SHC3: variants seen among roughly 807,000 people sequenced by gnomAD.
SHC3 encodes the protein SHC-transforming protein 3.
In SHC3, 15 loss-of-function variants were observed where a neutral mutation model predicts 60.4. The ratio of observed to expected loss-of-function variants is 0.25; its 90% CI spans 0.17 to 0.38. The LOEUF is 0.38. Ranked by LOEUF, SHC3 falls within the 10% of genes least tolerant of loss-of-function variation. SHC3 has a pLI of 1.00. For missense variants in SHC3, 677 were observed against 786.1 expected, an observed-to-expected ratio of 0.86 and a Z score of 1.66; for synonymous variants, 294 against 325.9, an observed-to-expected ratio of 0.90 and a Z score of 1.05.
intron 6 of SHC3, among the ~76,000 whole-genome samples, chr9:89,059,723 G>T (rs1355073926): frequency 7.0e-4 from 18 of 25,724 alleles, no homozygotes; most frequent in South Asian, 2.5e-3. Context: ...GGATGGTGGT[G>T]CAGGACGGTG....
At chr9:89,057,257 C>A (rs144990337) in intron 6 of SHC3, among the ~76,000 whole-genome samples, 67 of 151,808 alleles carry the variant, frequency 4.4e-4, no homozygotes, top group Non-Finnish European at 8.7e-4. Context: ...GGTCAGACAA[C>A]CTTAGTTTGT....
At chr9:89,148,231 C>T (rs142562416) in intron 1 of SHC3, among the ~76,000 whole-genome samples, 56 of 152,204 alleles carry the variant, frequency 3.7e-4, no homozygotes, top group African/African-American at 1.1e-3. Context: ...TTCGATATTT[C>T]GCGATTAAAT....
intron 1 of SHC3, among the ~76,000 whole-genome samples, chr9:89,138,100 A>G (rs77606975): frequency 0.015 from 2,346 of 152,342 alleles, 27 homozygotes; most frequent in Non-Finnish European, 0.026. Flanking sequence ...TGCCAGCTAC[A>G]GAGACTTGGG....
intron 6 of SHC3, among the ~76,000 whole-genome samples, chr9:89,054,148 C>T (rs1824908277): frequency 1.3e-5 from 2 of 152,158 alleles, no homozygotes; most frequent in South Asian, 4.1e-4. Context: ...CTTCTACACA[C>T]CTGAGAGCAT....
chr9:89,057,297 G>T (rs1365245663), intron 6 of SHC3, among the ~76,000 whole-genome samples: 1 of 146,268 alleles, frequency 6.8e-6, no homozygotes, highest in African/African-American at 2.5e-5. Flanking sequence ...ACTCTGAATT[G>T]ATCCAGTTTT....
At chr9:89,045,049 G>A (rs911919799) in intron 9 of SHC3, among the ~76,000 whole-genome samples, 1 of 152,036 alleles carries the variant, frequency 6.6e-6, no homozygotes, top group Non-Finnish European at 1.5e-5. Flanking sequence ...TAGGAGTCAC[G>A]GGGGCTCAAC....
chr9:89,027,484 T>C (rs983232860), intron 11 of SHC3, among the ~76,000 whole-genome samples: 2 of 151,936 alleles, frequency 1.3e-5, no homozygotes, highest in African/African-American at 4.8e-5. Flanking sequence ...ACCCGGCTAA[T>C]TTTTTGTATT....
intron 2 of SHC3, among the ~76,000 whole-genome samples, chr9:89,108,781 G>A (rs117938353): frequency 0.013 from 2,033 of 152,246 alleles, 20 homozygotes; most frequent in South Asian, 0.034. Context: ...CCCAGTGTTT[G>A]CAAAAATGAG....
chr9:89,071,202 G>T lies in SHC3; in HGVS notation c.780C>A (p.Asp260Glu). Residue 260 changes from aspartate to glutamate, a missense_variant, in exon 5 of 12, where the codon GAC becomes GAA. Asp to Glu is a conservative substitution (Grantham distance 45). Coordinates refer to ENST00000375835, the MANE Select transcript of SHC3 (RefSeq NM_016848.6). ...GACCAACCCCAAGGGTACTTACCGG[G>T]TCTCCCCCAGAGGCGAAGGAGATGG... ...MRSISFASGG[D>E]PDTTDYVAYV... The T allele has an allele frequency of 6.2e-7, 1 of 1,614,082 alleles. No individual in the cohort carries two copies.
intron 1 of SHC3, among the ~76,000 whole-genome samples, chr9:89,169,222 C>A (rs1458331379): frequency 3.9e-5 from 6 of 152,156 alleles, no homozygotes; most frequent in African/African-American, 1.4e-4. Flanking sequence ...GGACACTGAG[C>A]AGAGGAGGTT....
At position 89,155,318 on chromosome 9, in the gene SHC3, C is replaced by T. The variant is rs565819418; in HGVS notation, c.474+22669G>A. Reference sequence around the variant, plus strand: ...GCCACACGCCCTTAATTCCCGGAGCCGGCTTCTCTCTCCTTGCTCTTACGG... The same window carrying T: ...GCCACACGCCCTTAATTCCCGGAGCTGGCTTCTCTCTCCTTGCTCTTACGG... On this transcript the variant is annotated intron_variant, in intron 1 of 11. Transcript: ENST00000375835. Among the ~76,000 whole-genome samples, 13 of 152,256 alleles carry T rather than the reference C, an allele frequency of 8.5e-5. No individual in the cohort carries two copies. In the East Asian group the frequency reaches 2.1e-3, roughly 25 times the overall value.
At chr9:89,033,725 A>G (rs1186072468) in intron 11 of SHC3, among the ~76,000 whole-genome samples, 1 of 152,236 alleles carries the variant, frequency 6.6e-6, no homozygotes, top group Non-Finnish European at 1.5e-5. Context: ...CACATAATGA[A>G]GAAATTAACA....
In SHC3 at chr9:89,047,984, G is replaced by A. The variant is rs150680800; in HGVS notation, c.963-990C>T. 1.3e-4 allele frequency among the ~76,000 whole-genome samples: 20 copies of A among 152,304 alleles called. No homozygotes were observed. The East Asian group carries it at 3.5e-3, about 26-fold the overall frequency. The stretch of plus-strand genomic sequence containing the variant: ...GGTAGGGCCGGGCGCAGTGGCTGAT[G>A]CCTGTAATCCCAGCATTTTGGGAGG... On this transcript the variant is annotated intron_variant, in intron 7 of 11. Transcript: ENST00000375835.
At position 89,008,330 on chromosome 9, in the gene SHC3, G is replaced by A. The variant is rs1304140509; in HGVS notation, c.*5117C>T. The A allele has an allele frequency of 6.6e-6, 1 of 152,204 alleles. No individual in the cohort carries two copies. Among genetic ancestry groups the A allele is most frequent in the Non-Finnish European group, 1.5e-5 (1 of 68,034 alleles). The allele number at this position is 152,204 out of a possible 1,614,324, so 9.4% of individuals were successfully genotyped here. A position where few individuals can be genotyped will look rare whatever the true frequency, so the allele number is the denominator to read the frequency against. ...ATCTGTGACATGAAGTGGTGTGAAA[G>A]CATAATTATAAATTAGAGGGGGGAA... On this transcript the variant is annotated 3_prime_UTR_variant, in exon 12 of 12. Coordinates refer to ENST00000375835, the MANE Select transcript of SHC3 (RefSeq NM_016848.6).
chr9:89,091,244 A>C (rs1282282489), intron 2 of SHC3, among the ~76,000 whole-genome samples: 1 of 152,258 alleles, frequency 6.6e-6, no homozygotes, highest in East Asian at 1.9e-4. Flanking sequence ...GCAAGGAGAA[A>C]TATGTTCTGC....
At chr9:89,069,765 C>T (rs1825240183) in intron 5 of SHC3, among the ~76,000 whole-genome samples, 1 of 152,252 alleles carries the variant, frequency 6.6e-6, no homozygotes, top group South Asian at 2.1e-4. Flanking sequence ...TGGCAGCTGC[C>T]ACAGCAGGGC....
chr9:89,104,990 A>C (rs1825837085), intron 2 of SHC3, among the ~76,000 whole-genome samples: 1 of 152,228 alleles, frequency 6.6e-6, no homozygotes, highest in South Asian at 2.1e-4. Flanking sequence ...CAGGCAGTGC[A>C]GTCTTCACAG....
At chr9:89,160,349 C>T (rs1305720305) in intron 1 of SHC3, among the ~76,000 whole-genome samples, 1 of 152,110 alleles carries the variant, frequency 6.6e-6, no homozygotes, top group African/African-American at 2.4e-5. Flanking sequence ...ACCTCCTTGG[C>T]GAGGCATTTT....
At chr9:89,071,104 T>G in intron 5 of SHC3, 95 bp downstream of exon 5, 1 of 1,189,102 alleles carries the variant, frequency 8.4e-7, no homozygotes, top group Non-Finnish European at 1.2e-6. Flanking sequence ...ACAATTAACC[T>G]TTTTTACAGT....
Sources: gnomAD v4.1 joint callset for allele counts (sites outside exome capture counted in the v4.1 genomes callset) on GRCh38, gnomAD v4.1.1 for gene constraint, MANE v1.5 for transcripts, NCBI Gene and HGNC (gene_info 2026-07-23, HGNC 2026-07-21) for gene names.